The following RCOR3 variants were observed in gnomAD, a reference collection of about 807,000 sequenced individuals.
RCOR3 encodes the protein REST corepressor 3.
RCOR3 carries 13 observed loss-of-function variants against 64.1 expected under a neutral mutation model. The observed-to-expected ratio is 0.20, with a 90% CI of 0.13 to 0.32. RCOR3 has a LOEUF of 0.32. Among genes scored for constraint, RCOR3 ranks in the 10% least tolerant of loss-of-function variants. The probability of loss-of-function intolerance (pLI) is 1.00; values close to 1 mark genes in which losing one functional copy is unlikely to be tolerated. For synonymous variants in RCOR3, 215 were observed against 239.0 expected, an observed-to-expected ratio of 0.90 and a Z score of 0.93; for missense variants, 489 against 701.2, an observed-to-expected ratio of 0.70 and a Z score of 3.42.
At chr1:211,273,296 A>G (rs1178145436) in intron 3 of RCOR3, among the ~76,000 whole-genome samples, 3 of 152,188 alleles carry the variant, frequency 2.0e-5, no homozygotes, top group African/African-American at 7.2e-5. Flanking sequence ...TTTAACAACT[A>G]TTTAGAGTGA....
intron 2 of RCOR3, among the ~76,000 whole-genome samples, chr1:211,262,186 C>T (rs1023993272): frequency 2.6e-5 from 4 of 151,110 alleles, no homozygotes; most frequent in African/African-American, 7.3e-5. Context: ...TACAGGCACA[C>T]GCCACCATGC....
chr1:211,314,689 G>A lies in RCOR3; in HGVS notation c.*921G>A, dbSNP rs1701778019. On this transcript the variant is annotated 3_prime_UTR_variant, in exon 12 of 12. Transcript: ENST00000419091. Reference sequence around the variant, plus strand: ...AGAAGAATTATATTTTGTTAGTTAAGTAGACACAGTGGTTATGGAAGCATT... The same window carrying A: ...AGAAGAATTATATTTTGTTAGTTAAATAGACACAGTGGTTATGGAAGCATT... The A allele has an allele frequency of 6.6e-6, 1 of 152,144 alleles. No individual in the cohort carries two copies. Among genetic ancestry groups the A allele is most frequent in the African/African-American group, 2.4e-5 (1 of 41,452 alleles). 9.4% of individuals were successfully genotyped at this position (152,144 alleles called of 1,614,324 possible).
At position 211,289,253 on chromosome 1, in the gene RCOR3, C is replaced by G; in HGVS notation, c.796C>G (p.His266Asp). The change falls in exon 8 of 12, where the codon CAT becomes GAT. Residue 266 changes from histidine (H) to aspartate (D), a missense_variant. Around this residue, in one of 2 missense-constraint regions of RCOR3, gnomAD observed 402 missense variants for 617.0 expected, o/e 0.65. Transcript: ENST00000419091. Reference sequence around the variant, plus strand: ...AGAGTATCAGAGTTTACAACATCGCCATCATTCTCAGCGTTCTAAGTGCCG... The same window carrying G: ...AGAGTATCAGAGTTTACAACATCGCGATCATTCTCAGCGTTCTAAGTGCCG... ...RREYQSLQHR[H>D]HSQRSKCRPP... 1 of 1,614,022 alleles carries G rather than the reference C, an allele frequency of 6.2e-7. No individual in the cohort carries two copies. The highest frequency in any genetic ancestry group is 8.5e-7 in the Non-Finnish European group (1 of 1,179,990).
intron 7 of RCOR3, among the ~76,000 whole-genome samples, chr1:211,285,263 C>T (rs963570733): frequency 2.6e-5 from 4 of 152,134 alleles, no homozygotes; most frequent in East Asian, 1.9e-4. Context: ...TAAAGAGAAT[C>T]GTTTTTGTTT....
At chr1:211,260,550 C>T (rs952751587) in intron 2 of RCOR3, among the ~76,000 whole-genome samples, 2 of 152,220 alleles carry the variant, frequency 1.3e-5, no homozygotes, top group Non-Finnish European at 2.9e-5. Flanking sequence ...CCACCTCGCT[C>T]GCCCCGGCGC....
At chr1:211,295,645 C>G (rs1699789794) in intron 8 of RCOR3, 31 bp from the exon 9 acceptor site, 1 of 1,591,250 alleles carries the variant, frequency 6.3e-7, no homozygotes, top group Non-Finnish European at 8.6e-7. Flanking sequence ...AGTACGCGAT[C>G]TGATTCACAT....
At chr1:211,304,902 T>G (rs949684746) in intron 10 of RCOR3, among the ~76,000 whole-genome samples, 1 of 152,184 alleles carries the variant, frequency 6.6e-6, no homozygotes, top group Non-Finnish European at 1.5e-5. Flanking sequence ...CAGGTCTGAT[T>G]GTACAGTTTA....
At chr1:211,269,596 T>C (rs1571811328) in intron 2 of RCOR3, among the ~76,000 whole-genome samples, 1 of 150,888 alleles carries the variant, frequency 6.6e-6, no homozygotes, top group Non-Finnish European at 1.5e-5. Flanking sequence ...AAACTTCATC[T>C]CAAAAAAAAA....
At chr1:211,302,434 G>A (rs895881586) in intron 9 of RCOR3, 1 of 152,092 alleles carries the variant, frequency 6.6e-6, no homozygotes, top group Non-Finnish European at 1.5e-5. Flanking sequence ...TGAGAACAAA[G>A]TATTAAGAGA....
intron 9 of RCOR3, chr1:211,303,465 G>A (rs993077026): frequency 6.6e-6 from 1 of 152,236 alleles, no homozygotes; most frequent in African/African-American, 2.4e-5. Flanking sequence ...CTGCATGCTG[G>A]TGTAGTTATT....
Position 211,316,292 on chromosome 1 carries a change from A to T in RCOR3, c.*2524A>T, listed in dbSNP as rs1701860176. On this transcript the variant is annotated 3_prime_UTR_variant, in exon 12 of 12. Transcript: ENST00000419091. Reference sequence around the variant, plus strand: ...ATTTAATTCTAGTGTAATATGGATGAGGTAAGAGTAAGTTATGATCAAACT... The same window carrying T: ...ATTTAATTCTAGTGTAATATGGATGTGGTAAGAGTAAGTTATGATCAAACT... The T allele has an allele frequency of 6.6e-6, 1 of 152,204 alleles. No homozygotes were observed. The highest frequency in any genetic ancestry group is 6.5e-5 in the Admixed American group (1 of 15,284). 9.4% of individuals were successfully genotyped at this position (152,204 alleles called of 1,614,324 possible). A position where few individuals can be genotyped will look rare whatever the true frequency, so the allele number is the denominator to read the frequency against.
intron 3 of RCOR3, among the ~76,000 whole-genome samples, chr1:211,272,843 G>C (rs903136671): frequency 6.6e-6 from 1 of 151,154 alleles, no homozygotes; most frequent in Admixed American, 6.6e-5. Flanking sequence ...GGATGGTCTC[G>C]ATCTCCTGAC....
At chr1:211,277,303 T>C (rs1346550695) in intron 5 of RCOR3, among the ~76,000 whole-genome samples, 1 of 151,840 alleles carries the variant, frequency 6.6e-6, no homozygotes, top group African/African-American at 2.4e-5. Context: ...TTAGATAATA[T>C]TTGCAAATAT....
rs745314504 is a variant in RCOR3, at chr1:211,313,535, C to T, written c.1429C>T (p.Arg477Cys). The change falls in exon 12 of 12, where the codon CGT becomes TGT. Residue 477 changes from arginine to cysteine, a missense_variant. Arg to Cys is a radical substitution (Grantham distance 180). Transcript: ENST00000419091. The surrounding 1 kb of genome is among the most constrained non-coding windows in gnomAD (Gnocchi z 4.7). ...TCTGAACCAGCCTCCACCACTTCTT[C>T]GTCCAACACTGCCTGCTGCCCCGGC... is the stretch of plus-strand genomic sequence containing the variant. ...ATLNQPPPLL[R>C]PTLPAAPALH... is the part of the protein sequence containing the mutation. 6.8e-6 allele frequency: 11 copies of T among 1,614,138 alleles called. No individual in the cohort carries two copies. The highest frequency in any genetic ancestry group is 9.3e-6 in the Non-Finnish European group (11 of 1,180,012).
chr1:211,312,645 TG>T lies in RCOR3; in HGVS notation c.1076-74del. On this transcript the variant is annotated intron_variant, in intron 10 of 11. Coordinates refer to ENST00000419091, the MANE Select transcript of RCOR3 (RefSeq NM_001136223.3). The surrounding 1 kb of genome is among the most constrained non-coding windows in gnomAD (Gnocchi z 5.0). ...GGAATTTCATTGCTGGTATCTTTTG[TG>T]TGTGCATGATGTATAGTACACACAG... The T allele has an allele frequency of 1.0e-6, 1 of 972,814 alleles. No homozygotes were observed. The highest frequency in any genetic ancestry group is 1.5e-5 in the South Asian group (1 of 68,624). 60.3% of individuals were successfully genotyped at this position (972,814 alleles called of 1,614,324 possible).
At chr1:211,283,826 T>C (rs938218370) in intron 7 of RCOR3, among the ~76,000 whole-genome samples, 1 of 151,370 alleles carries the variant, frequency 6.6e-6, no homozygotes, top group Middle Eastern at 3.4e-3. Context: ...TTTTTTTTTT[T>C]CACCCATTTT....
chr1:211,263,627 TA>T (rs1383134771), intron 2 of RCOR3, among the ~76,000 whole-genome samples: 1 of 152,170 alleles, frequency 6.6e-6, no homozygotes, highest in Non-Finnish European at 1.5e-5. Flanking sequence ...CAATCAAATG[TA>T]GATTATTAGT....
At position 211,277,010 on chromosome 1, in the gene RCOR3, C is replaced by T. The variant is rs527729811; in HGVS notation, c.516+592C>T. On this transcript the variant is annotated intron_variant, in intron 5 of 11. Coordinates refer to ENST00000419091, the MANE Select transcript of RCOR3 (RefSeq NM_001136223.3). The stretch of plus-strand genomic sequence containing the variant: ...CTGAGGCAGAAGAATAGCTTGAACC[C>T]GGGAGGCAGAGGTTGCAGTGAACCG... Among the ~76,000 whole-genome samples, 6 of 151,024 alleles carry T rather than the reference C, an allele frequency of 4.0e-5. No homozygotes were observed. In the East Asian group the frequency reaches 7.8e-4, roughly 20 times the overall value.
chr1:211,299,841 C>T (rs1318494335), intron 9 of RCOR3, among the ~76,000 whole-genome samples: 2 of 152,042 alleles, frequency 1.3e-5, no homozygotes, highest in African/African-American at 2.4e-5. Context: ...ACAGCTACCA[C>T]GCAGTTTTAG....
Sources: allele counts gnomAD v4.1 joint callset (sites outside exome capture counted in the v4.1 genomes callset), GRCh38; gene constraint gnomAD v4.1.1; regional missense constraint gnomAD v4.1.1; non-coding constraint Gnocchi (gnomAD v3.1); transcripts MANE v1.5; gene names NCBI Gene and HGNC (gene_info 2026-07-23, HGNC 2026-07-21).